KIF13A: variants seen among roughly 807,000 people sequenced by gnomAD.
KIF13A encodes the protein kinesin family member 13A, also known as kinesin-like protein KIF13A.
KIF13A carries 79 observed loss-of-function variants against 212.2 expected under a neutral mutation model. That is an observed-to-expected ratio of 0.37 (90% confidence interval 0.31 to 0.45). The LOEUF (loss-of-function observed/expected upper bound fraction) is 0.45, where lower values mean the gene tolerates loss of function less well. Ranked by LOEUF, KIF13A falls within the 20% of genes least tolerant of loss-of-function variation. KIF13A has a pLI of 1.00. For missense variants in KIF13A, 1,901 were observed against 2,209.0 expected (o/e 0.86, Z 2.79); for synonymous variants, 789 against 808.6 (o/e 0.98, Z 0.41).
rs767795051 is a variant in KIF13A, at chr6:17,914,060, C to T, written c.147-15880G>A. 2.0e-5 allele frequency among the ~76,000 whole-genome samples: 3 copies of T among 152,174 alleles called. No individual in the cohort carries two copies. The highest frequency in any genetic ancestry group is 1.5e-5 in the Non-Finnish European group (1 of 68,030). On this transcript the variant is annotated intron_variant, in intron 2 of 38. Transcript: ENST00000259711. The surrounding 1 kb of genome is among the most constrained non-coding windows in gnomAD (Gnocchi z 5.9). ...CTCCCCTCAACACTTACAAAAGTAT[C>T]AGTCCCTGATGGAATTCAAAAGGAA...
At chr6:17,836,656 C>G (rs1391658855) in intron 11 of KIF13A, among the ~76,000 whole-genome samples, 6 of 152,168 alleles carry the variant, frequency 3.9e-5, no homozygotes, top group Non-Finnish European at 8.8e-5. Flanking sequence ...TGAGAACTCA[C>G]TATCACGAGA....
intron 2 of KIF13A, among the ~76,000 whole-genome samples, chr6:17,960,450 T>C (rs986674371): frequency 1.3e-5 from 2 of 152,194 alleles, no homozygotes; most frequent in African/African-American, 4.8e-5. Context: ...TCCCCACAAA[T>C]AGGTATCTCT....
intron 29 of KIF13A, among the ~76,000 whole-genome samples, chr6:17,781,556 C>T (rs1458400775): frequency 6.6e-6 from 1 of 150,946 alleles, no homozygotes; most frequent in African/African-American, 2.4e-5. Context: ...AACTCCTAGG[C>T]TCAATGAATC....
intron 2 of KIF13A, among the ~76,000 whole-genome samples, chr6:17,955,117 A>C (rs1435644654): frequency 6.6e-6 from 1 of 152,226 alleles, no homozygotes; most frequent in African/African-American, 2.4e-5. Context: ...GATGTGAGCC[A>C]CGGCACCTGG....
rs1777495086 is a variant in KIF13A, at chr6:17,947,380, A to T, written c.146+39674T>A. On this transcript the variant is annotated intron_variant, in intron 2 of 38. Transcript: ENST00000259711. The surrounding 1 kb of genome is among the most constrained non-coding windows in gnomAD (Gnocchi z 4.6). ...GCAAATTTAAATACTTCTATTTTTA[A>T]AAGATCAACATAAGGAGAATAAACT... 1.3e-5 allele frequency among the ~76,000 whole-genome samples: 2 copies of T among 152,212 alleles called. No individual in the cohort carries two copies. The highest frequency in any genetic ancestry group is 4.8e-5 in the African/African-American group (2 of 41,460).
In KIF13A at chr6:17,785,179, A is replaced by T. The variant is rs1429821276; in HGVS notation, c.3488+336T>A. Among the ~76,000 whole-genome samples, 2 of 152,210 alleles carry T rather than the reference A, an allele frequency of 1.3e-5. No individual in the cohort carries two copies. The highest frequency in any genetic ancestry group is 2.4e-5 in the African/African-American group (1 of 41,460). ...TACTACCAAAAAAATAGCTCCACTAATATATTTTCTGTCCTATTCAAATAC... is the reference window on the plus strand; with the variant it reads ...TACTACCAAAAAAATAGCTCCACTATTATATTTTCTGTCCTATTCAAATAC... On this transcript the variant is annotated intron_variant, in intron 28 of 38. Transcript: ENST00000259711. The surrounding 1 kb of genome is among the most constrained non-coding windows in gnomAD (Gnocchi z 5.8).
chr6:17,875,813 T>G (rs1312354933), intron 3 of KIF13A, among the ~76,000 whole-genome samples: 1 of 152,068 alleles, frequency 6.6e-6, no homozygotes, highest in Non-Finnish European at 1.5e-5. Flanking sequence ...TATTATCAAA[T>G]GTGTAGAGCA....
At chr6:17,925,571 A>G (rs1028999374) in intron 2 of KIF13A, among the ~76,000 whole-genome samples, 10 of 152,226 alleles carry the variant, frequency 6.6e-5, no homozygotes, top group Admixed American at 5.9e-4. Context: ...CAAATCTAGC[A>G]GACAACTCAC....
At chr6:17,929,523 C>A (rs1481904305) in intron 2 of KIF13A, among the ~76,000 whole-genome samples, 1 of 152,094 alleles carries the variant, frequency 6.6e-6, no homozygotes, top group Admixed American at 6.6e-5. Flanking sequence ...GCCTCAGCCT[C>A]CCAAGTAGCT....
rs560327196 is a variant in KIF13A at position 17,808,726 on chromosome 6, A to C, written c.2163+42T>G. ...TTTTAGATCCTATTTTACAATATTT[A>C]CTATTGTGCATCTTGCCCTCTCACT... is the stretch of plus-strand genomic sequence containing the variant. On this transcript the variant is annotated intron_variant, in intron 18 of 38. Transcript: ENST00000259711. 49 of 1,565,836 alleles carry C rather than the reference A, an allele frequency of 3.1e-5. No homozygotes were observed. The Admixed American group carries it at 8.7e-4, about 28-fold the overall frequency.
intron 2 of KIF13A, among the ~76,000 whole-genome samples, chr6:17,956,395 C>T (rs780642624): frequency 4.7e-4 from 71 of 152,346 alleles, no homozygotes; most frequent in Non-Finnish European, 8.1e-4. Context: ...CCAAGTGCCA[C>T]CTGTTTGTGG....
chr6:17,907,037 A>T (rs1009607713), intron 2 of KIF13A, among the ~76,000 whole-genome samples: 2 of 152,198 alleles, frequency 1.3e-5, no homozygotes, highest in Non-Finnish European at 2.9e-5. Flanking sequence ...GTCATATAGT[A>T]TATGTCTGTG....
chr6:17,771,475 C>T lies in KIF13A; in HGVS notation c.4477-257G>A. 2.2e-6 allele frequency: 1 copy of T among 452,284 alleles called. No homozygotes were observed. The highest frequency in any genetic ancestry group is 3.9e-6 in the Non-Finnish European group (1 of 254,890). The allele number at this position is 452,284 out of a possible 1,614,324, so 28.0% of individuals were successfully genotyped here. A position where few individuals can be genotyped will look rare whatever the true frequency, so the allele number is the denominator to read the frequency against. On this transcript the variant is annotated intron_variant, in intron 37 of 38. Transcript: ENST00000259711. This position sits in a 1 kb window ranked among gnomAD's most constrained non-coding sequence, Gnocchi z 5.4. ...GGTACAACGGCTCATGCCTGCAATCCCAGTGCCTTGGGAGGCTGGGGCAAA... is the reference window on the plus strand; with the variant it reads ...GGTACAACGGCTCATGCCTGCAATCTCAGTGCCTTGGGAGGCTGGGGCAAA...
In KIF13A at chr6:17,987,157, A is replaced by G; in HGVS notation, c.56-13T>C. On this transcript the variant is annotated splice_polypyrimidine_tract_variant and intron_variant, in intron 1 of 38. Coordinates refer to ENST00000259711, the MANE Select transcript of KIF13A (RefSeq NM_022113.6). This position sits in a 1 kb window ranked among gnomAD's most constrained non-coding sequence, Gnocchi z 7.7. ...TTCAGTTCCAGTTCTGAAAGCAGAG[A>G]GAAAGGGACGTTGCAAAGTCCAGCA... The G allele has an allele frequency of 6.2e-7, 1 of 1,602,112 alleles. No homozygotes were observed. The highest frequency in any genetic ancestry group is 8.5e-7 in the Non-Finnish European group (1 of 1,170,838).
chr6:17,980,934 T>C (rs1484531009), intron 2 of KIF13A, among the ~76,000 whole-genome samples: 1 of 151,302 alleles, frequency 6.6e-6, no homozygotes, highest in Non-Finnish European at 1.5e-5. Context: ...ATTACCAGCA[T>C]GTTATTCAGA....
At position 17,776,066 on chromosome 6, in the gene KIF13A, C is replaced by T. The variant is rs1291933530; in HGVS notation, c.4171-1004G>A. 6.6e-6 allele frequency among the ~76,000 whole-genome samples: 1 copy of T among 151,922 alleles called. No individual in the cohort carries two copies. Among genetic ancestry groups the T allele is most frequent in the African/African-American group, 2.4e-5 (1 of 41,350 alleles). On this transcript the variant is annotated intron_variant, in intron 34 of 38. Coordinates refer to ENST00000259711, the MANE Select transcript of KIF13A (RefSeq NM_022113.6). The surrounding 1 kb of genome is among the most constrained non-coding windows in gnomAD (Gnocchi z 4.6). ...GCTAATTTTGTATTTTTAGTAGAGA[C>T]CGGGTTTCTCCATGTTGGTCAGGCT...
At chr6:17,804,838 A>AAAAAAAAG in intron 19 of KIF13A, among the ~76,000 whole-genome samples, 3 of 147,448 alleles carry the variant, frequency 2.0e-5, no homozygotes, top group Admixed American at 6.7e-5. Flanking sequence ...AAAAAAAAAA[A>AAAAAAAAG]AAAAAAAGAA....
In KIF13A at chr6:17,971,006, A is replaced by G. The variant is rs80038009; in HGVS notation, c.146+16048T>C. Among the ~76,000 whole-genome samples the G allele has an allele frequency of 6.6e-6, 1 of 152,214 alleles. No homozygotes were observed. On this transcript the variant is annotated intron_variant, in intron 2 of 38. Transcript: ENST00000259711. This position sits in a 1 kb window ranked among gnomAD's most constrained non-coding sequence, Gnocchi z 4.2. ...TTCAATTTTATTTCGGCTTTTAAAA[A>G]GATTGGTGAGGTTATTTCAATACAT... is the stretch of plus-strand genomic sequence containing the variant.
intron 4 of KIF13A, among the ~76,000 whole-genome samples, chr6:17,859,527 G>C (rs1225040991): frequency 6.7e-6 from 1 of 150,080 alleles, no homozygotes; most frequent in African/African-American, 2.4e-5. Context: ...AACAGGACAT[G>C]ATTTAACCTA....
Sources: gnomAD v4.1 joint callset for allele counts (sites outside exome capture counted in the v4.1 genomes callset) on GRCh38, gnomAD v4.1.1 for gene constraint, Gnocchi (gnomAD v3.1) non-coding constraint, MANE v1.5 for transcripts, NCBI Gene and HGNC (gene_info 2026-07-23, HGNC 2026-07-21) for gene names.